The following SMCR8 variants were observed in gnomAD, a reference collection of about 807,000 sequenced individuals.
SMCR8 encodes the protein SMCR8-C9orf72 complex subunit, also known as guanine nucleotide exchange protein SMCR8.
A neutral mutation model predicts 56.6 loss-of-function variants in SMCR8; 30 were observed. The observed-to-expected ratio is 0.53, with a 90% CI of 0.40 to 0.72. The LOEUF (loss-of-function observed/expected upper bound fraction) is 0.72. Ranked by LOEUF, SMCR8 falls within the 30% of genes least tolerant of loss-of-function variation. The pLI, the probability that SMCR8 is intolerant of heterozygous loss-of-function variation, is 0.00. For synonymous variants in SMCR8, 538 were observed against 456.0 expected, an observed-to-expected ratio of 1.18 and a Z score of -2.29; for missense variants, 1,198 against 1,157.0, an observed-to-expected ratio of 1.04 and a Z score of -0.51.
chr17:18,318,755 A>G (rs556563777), intron 1 of SMCR8, among the ~76,000 whole-genome samples: 1 of 152,216 alleles, frequency 6.6e-6, no homozygotes, highest in East Asian at 1.9e-4. Context: ...CGAGGTTCTG[A>G]TTCGGTTGGT....
At position 18,323,250 on chromosome 17, in the gene SMCR8, C is replaced by T. The variant is rs1982557644; in HGVS notation, c.*180C>T. 1 of 606,676 alleles carries T rather than the reference C, an allele frequency of 1.6e-6. No homozygotes were observed. The highest frequency in any genetic ancestry group is 2.9e-6 in the Non-Finnish European group (1 of 346,228). The allele number at this position is 606,676 out of a possible 1,614,324, so 37.6% of individuals were successfully genotyped here. On this transcript the variant is annotated 3_prime_UTR_variant, in exon 2 of 2. Transcript: ENST00000406438. ...CATGGGCAGAAGTGGAGCCTGGCTC[C>T]CTCTAAAGGCGTCTGGAGGGATGGT... is the stretch of plus-strand genomic sequence containing the variant.
rs199764208 is a variant in SMCR8 at position 18,322,845 on chromosome 17, C to T, written c.2589C>T (p.Phe863=). Residue 863 remains phenylalanine (F), a synonymous_variant, in exon 2 of 2, where the codon TTC becomes TTT. Transcript: ENST00000406438. ...QLCSKAFLYT[F]CHHLHLPTHD... is the part of the protein sequence containing the mutation. ...GCTCCAAGGCCTTCCTCTACACCTT[C>T]TGCCACCACCTGCACCTGCCTACCC... is the stretch of plus-strand genomic sequence containing the variant. The T allele has an allele frequency of 9.9e-6, 16 of 1,614,018 alleles. No individual in the cohort carries two copies. In the East Asian group the frequency reaches 3.6e-4, roughly 36 times the overall value.
At position 18,317,480 on chromosome 17, in the gene SMCR8, C is replaced by T. The variant is rs754488042; in HGVS notation, c.1691C>T (p.Pro564Leu). ...CGCTTCCAGGCAAGCATCAGTCCTCCAGAACTGGGTGAGACAGAGGAAGGC... is the reference window on the plus strand; with the variant it reads ...CGCTTCCAGGCAAGCATCAGTCCTCTAGAACTGGGTGAGACAGAGGAAGGC... ...AIRFQASISP[P>L]ELGETEEGSI... The change falls in exon 1 of 2, where the codon CCA becomes CTA. Residue 564 changes from proline (P) to leucine (L), a missense_variant. Pro to Leu is a moderately conservative substitution (Grantham distance 98). Transcript: ENST00000406438. 7.4e-6 allele frequency: 12 copies of T among 1,614,094 alleles called. No individual in the cohort carries two copies. The highest frequency in any genetic ancestry group is 3.3e-5 in the Admixed American group (2 of 60,026).
In SMCR8 at chr17:18,322,991, A is replaced by G; in HGVS notation, c.2735A>G (p.His912Arg). The change falls in exon 2 of 2, where the codon CAC becomes CGC. Residue 912 changes from histidine (H) to arginine (R), a missense_variant. His to Arg is a conservative substitution (Grantham distance 29). Coordinates refer to ENST00000406438, the MANE Select transcript of SMCR8 (RefSeq NM_144775.3). Reference sequence around the variant, plus strand: ...TACCTGGCTGAGCTGCTGAAGCTGCACTACATGCAGGAATCTCCAGGGACC... The same window carrying G: ...TACCTGGCTGAGCTGCTGAAGCTGCGCTACATGCAGGAATCTCCAGGGACC... ...VQYLAELLKL[H>R]YMQESPGTSH... 2 of 1,614,218 alleles carry G rather than the reference A, an allele frequency of 1.2e-6. No homozygotes were observed. Among genetic ancestry groups the G allele is most frequent in the South Asian group, 1.1e-5 (1 of 91,084 alleles).
Position 18,316,293 on chromosome 17 carries a change from G to A in SMCR8, c.504G>A (p.Gln168=), listed in dbSNP as rs117521287. The A allele has an allele frequency of 2.2e-3, 3,546 of 1,614,016 alleles. 7 individuals carry two copies. The highest frequency in any genetic ancestry group is 2.8e-3 in the Non-Finnish European group (3,289 of 1,180,016). ...ISADQHKIMQ[Q]FQELSAEFSR... Reference sequence around the variant, plus strand: ...CAGACCAGCATAAAATCATGCAGCAGTTCCAGGAGCTTTCAGCCGAATTTT... The same window carrying A: ...CAGACCAGCATAAAATCATGCAGCAATTCCAGGAGCTTTCAGCCGAATTTT... Residue 168 remains glutamine (Q), a synonymous_variant, in exon 1 of 2, where the codon CAG becomes CAA. Transcript: ENST00000406438.
At chr17:18,322,427 T>C (rs1263043692) in intron 1 of SMCR8, among the ~76,000 whole-genome samples, 190 bp from the exon 2 acceptor site, 1 of 152,248 alleles carries the variant, frequency 6.6e-6, no homozygotes. Flanking sequence ...CAGCGTGTTT[T>C]TGACCTTGGT....
At chr17:18,319,333 T>G (rs4924846) in intron 1 of SMCR8, among the ~76,000 whole-genome samples, 109,632 of 152,124 alleles carry the variant, frequency 0.72, 40,210 homozygotes, top group African/African-American at 0.86. Context: ...GTGCAGTGCT[T>G]GGCCCTGAGA....
In SMCR8 at chr17:18,315,801, C is replaced by T. The variant is rs1158103049; in HGVS notation, c.12C>T (p.Ala4=). ...ATATATCTGGAAATATGATCAGCGC[C>T]CCTGACGTAGTGGCCTTCACCAAAG... MIS[A]PDVVAFTKEE... The change falls in exon 1 of 2, where the codon GCC becomes GCT. Residue 4 remains alanine, a synonymous_variant. Coordinates refer to ENST00000406438, the MANE Select transcript of SMCR8 (RefSeq NM_144775.3). The T allele has an allele frequency of 1.3e-6, 2 of 1,589,526 alleles. No homozygotes were observed. The highest frequency in any genetic ancestry group is 1.7e-6 in the Non-Finnish European group (2 of 1,164,350).
intron 1 of SMCR8, among the ~76,000 whole-genome samples, chr17:18,319,686 C>T (rs1445636351): frequency 6.6e-6 from 1 of 152,104 alleles, no homozygotes; most frequent in African/African-American, 2.4e-5. Flanking sequence ...AGCTGGTATC[C>T]TGTCATTTGC....
chr17:18,318,690 C>T (rs1337785412), intron 1 of SMCR8, among the ~76,000 whole-genome samples: 1 of 152,212 alleles, frequency 6.6e-6, no homozygotes, highest in Admixed American at 6.5e-5. Context: ...AGGTGTGAGC[C>T]ACCGTGCCTG....
In SMCR8 at chr17:18,324,869, G is replaced by C. The variant is rs1207503025; in HGVS notation, c.*1799G>C. The C allele has an allele frequency of 6.6e-6, 1 of 152,254 alleles. No individual in the cohort carries two copies. The highest frequency in any genetic ancestry group is 1.5e-5 in the Non-Finnish European group (1 of 68,048). The allele number at this position is 152,254 out of a possible 1,614,324, so 9.4% of individuals were successfully genotyped here. On this transcript the variant is annotated 3_prime_UTR_variant, in exon 2 of 2. Transcript: ENST00000406438. ...CATCTCATTGGTTCTCTGTACCTGT[G>C]CCCGTTGCGCATGTTCACAGACAGG...
In SMCR8 at chr17:18,316,709, TCAAAG is replaced by T. The variant is rs868578975; in HGVS notation, c.926_930del (p.Ala309ValfsTer6). 1.2e-6 allele frequency: 2 copies of T among 1,614,124 alleles called. No individual in the cohort carries two copies. The highest frequency in any genetic ancestry group is 1.7e-6 in the Non-Finnish European group (2 of 1,180,016). ...AGACCAGCCTACACCCCAAAACTTA[TCAAAG>T]CAAAGTCCACCAAGTGTTTTGACAA... is the stretch of plus-strand genomic sequence containing the variant. On this transcript the variant is annotated frameshift_variant, in exon 1 of 2. Transcript: ENST00000406438. LOFTEE classifies it high-confidence loss of function.
rs1268981326 is a variant in SMCR8 at position 18,327,736 on chromosome 17, TC to T, written c.*4670del. ...TCCCGTCCCGTCTTGTGAATGTGAG[TC>T]CCCGCCACCACGTGAGGTGCAGTCG... On this transcript the variant is annotated 3_prime_UTR_variant, in exon 2 of 2. Coordinates refer to ENST00000406438, the MANE Select transcript of SMCR8 (RefSeq NM_144775.3). 1 of 152,508 alleles carries T rather than the reference TC, an allele frequency of 6.6e-6. No homozygotes were observed. Among genetic ancestry groups the T allele is most frequent in the Non-Finnish European group, 1.5e-5 (1 of 68,024 alleles). The allele number at this position is 152,508 out of a possible 1,614,324, so 9.4% of individuals were successfully genotyped here.
chr17:18,322,868 C>G lies in SMCR8; in HGVS notation c.2612C>G (p.Thr871Ser). Residue 871 changes from threonine to serine, a missense_variant, in exon 2 of 2, where the codon ACC (threonine) becomes AGC (serine). Coordinates refer to ENST00000406438, the MANE Select transcript of SMCR8 (RefSeq NM_144775.3). ...YTFCHHLHLP[T>S]HDKETEELVA... ...TTCTGCCACCACCTGCACCTGCCTA[C>G]CCACGACAAGGAGACAGAGGAGCTG... is the stretch of plus-strand genomic sequence containing the variant. 6.2e-7 allele frequency: 1 copy of G among 1,614,118 alleles called. No individual in the cohort carries two copies. The highest frequency in any genetic ancestry group is 1.1e-5 in the South Asian group (1 of 91,086).
At chr17:18,319,083 G>A (rs1470059153) in intron 1 of SMCR8, among the ~76,000 whole-genome samples, 1 of 152,216 alleles carries the variant, frequency 6.6e-6, no homozygotes, top group East Asian at 1.9e-4. Context: ...TGGGGGAGGT[G>A]AGCAGTAGAC....
At chr17:18,319,261 G>T (rs1328884955) in intron 1 of SMCR8, among the ~76,000 whole-genome samples, 1 of 152,154 alleles carries the variant, frequency 6.6e-6, no homozygotes, top group Non-Finnish European at 1.5e-5. Context: ...GGGCTCCCGG[G>T]GCCCACCTGA....
Position 18,316,144 on chromosome 17 carries a change from G to T in SMCR8, c.355G>T (p.Glu119Ter). 6.2e-7 allele frequency: 1 copy of T among 1,614,142 alleles called. No individual in the cohort carries two copies. The highest frequency in any genetic ancestry group is 1.1e-5 in the South Asian group (1 of 91,082). ...GSAYPKLNFV[E>*]DSKVVLGDSK... is the part of the protein sequence containing the mutation. ...TGCCTACCCCAAGCTGAACTTCGTG[G>T]AGGACTCCAAGGTGGTGCTGGGAGA... Residue 119 changes from glutamate (E) to a stop codon, truncating the protein, a stop_gained, in exon 1 of 2, where the codon GAG (glutamate) becomes TAG (stop). Coordinates refer to ENST00000406438, the MANE Select transcript of SMCR8 (RefSeq NM_144775.3). LOFTEE classifies it high-confidence loss of function.
intron 1 of SMCR8, among the ~76,000 whole-genome samples, chr17:18,322,278 T>C (rs931383164): frequency 3.9e-5 from 6 of 152,210 alleles, no homozygotes; most frequent in Non-Finnish European, 7.3e-5. Flanking sequence ...CCCAAAGTGC[T>C]GGGATTACAG....
In SMCR8 at chr17:18,316,757, A is replaced by G. The variant is rs1982309943; in HGVS notation, c.968A>G (p.Glu323Gly). ...TTTGACAAGAAGTTGAAGACCTTGGAGGAGCTCTGTGACACTGAATATTTC... is the reference window on the plus strand; with the variant it reads ...TTTGACAAGAAGTTGAAGACCTTGGGGGAGCTCTGTGACACTGAATATTTC... ...KCFDKKLKTLEELCDTEYFTQ... is the reference protein window; with the variant it reads ...KCFDKKLKTLGELCDTEYFTQ... Residue 323 changes from glutamate (E) to glycine (G), a missense_variant, in exon 1 of 2, where the codon GAG becomes GGG. Transcript: ENST00000406438. The G allele has an allele frequency of 6.2e-7, 1 of 1,614,126 alleles. No individual in the cohort carries two copies. The highest frequency in any genetic ancestry group is 1.3e-5 in the African/African-American group (1 of 74,938).
Sources: allele counts gnomAD v4.1 joint callset (sites outside exome capture counted in the v4.1 genomes callset), GRCh38; gene constraint gnomAD v4.1.1; transcripts MANE v1.5; gene names NCBI Gene and HGNC (gene_info 2026-07-23, HGNC 2026-07-21).